ZMAT1: variants seen among roughly 807,000 people sequenced by gnomAD.
ZMAT1 encodes zinc finger matrin-type 1, also known as zinc finger matrin-type protein 1.
A neutral mutation model predicts 18.5 loss-of-function variants in ZMAT1; 11 were observed. That is an observed-to-expected ratio of 0.59 (90% confidence interval 0.37 to 0.98). ZMAT1 has a LOEUF of 0.98. ZMAT1 is among the 50% of genes least tolerant of loss of function. ZMAT1 has a pLI of 0.01. For synonymous variants in ZMAT1, 211 were observed against 176.4 expected, an observed-to-expected ratio of 1.20 and a Z score of -1.55; for missense variants, 525 against 496.2, an observed-to-expected ratio of 1.06 and a Z score of -0.55.
In ZMAT1 at chrX:101,884,470, T is replaced by C; in HGVS notation, c.1128A>G (p.Gly376=). Residue 376 remains glycine (G), a synonymous_variant, in exon 6 of 6, where the codon GGA becomes GGG. Transcript: ENST00000651725. The stretch of plus-strand genomic sequence containing the variant: ...TTCTGAAACAAGTCTTTGGATCTAG[T>C]CCTCTGGCTTTCTGTACTTTGATGT... The part of the protein sequence containing the change: ...EDYIKVQKAR[G]LDPKTCFRKM... The C allele has an allele frequency of 8.3e-7, 1 of 1,211,454 alleles. No homozygotes were observed. The highest frequency in any genetic ancestry group is 1.8e-5 in the South Asian group (1 of 57,002).
At chrX:101,909,877 T>C (rs1928846607) in intron 1 of ZMAT1, among the ~76,000 whole-genome samples, 1 of 112,535 alleles carries the variant, frequency 8.9e-6, no homozygotes, top group Non-Finnish European at 1.9e-5. Context: ...GGCACAGGCC[T>C]GGCTGGCTTT....
chrX:101,919,580 G>A (rs781215759), intron 1 of ZMAT1, among the ~76,000 whole-genome samples: 3 of 111,578 alleles, frequency 2.7e-5, no homozygotes, highest in East Asian at 2.8e-4. Flanking sequence ...GATGTGTACC[G>A]AAAGAACTAT....
intron 2 of ZMAT1, among the ~76,000 whole-genome samples, chrX:101,898,527 C>T (rs896644554): frequency 4.5e-5 from 5 of 111,999 alleles, no homozygotes; most frequent in African/African-American, 1.6e-4. Context: ...GTTTTTCAGC[C>T]TTCCTTTCAG....
intron 2 of ZMAT1, among the ~76,000 whole-genome samples, chrX:101,899,337 G>T (rs991765826): frequency 3.6e-5 from 4 of 110,863 alleles, no homozygotes; most frequent in African/African-American, 1.3e-4. Context: ...AGTTATTAGG[G>T]TACAGGTGGC....
chrX:101,907,391 C>T (rs1928687374), intron 1 of ZMAT1, among the ~76,000 whole-genome samples: 1 of 112,642 alleles, frequency 8.9e-6, no homozygotes, highest in Admixed American at 9.3e-5. Context: ...TATCAGGGAT[C>T]ATACCAGATG....
intron 2 of ZMAT1, among the ~76,000 whole-genome samples, chrX:101,902,174 A>T (rs1331512230): frequency 9.0e-6 from 1 of 111,723 alleles, no homozygotes; most frequent in Admixed American, 9.5e-5. Context: ...TGCCAGTATT[A>T]TGGTTCTTAT....
At chrX:101,906,417 C>T (rs1433490793) in intron 1 of ZMAT1, among the ~76,000 whole-genome samples, 2 of 111,828 alleles carry the variant, frequency 1.8e-5, no homozygotes, top group African/African-American at 6.5e-5. Context: ...AGCCTCCAGG[C>T]CAGCCCCTGG....
At chrX:101,909,636 C>T (rs1187625999) in intron 1 of ZMAT1, among the ~76,000 whole-genome samples, 1 of 112,465 alleles carries the variant, frequency 8.9e-6, no homozygotes, top group African/African-American at 3.2e-5. Flanking sequence ...TGGCAGTACA[C>T]CTTGCCTTGT....
rs1254788338 is a variant in ZMAT1 at position 101,884,493 on chromosome X, T to C, written c.1105A>G (p.Ile369Val). Residue 369 changes from isoleucine (I) to valine (V), a missense_variant, in exon 6 of 6, where the codon ATC becomes GTC. Coordinates refer to ENST00000651725, the MANE Select transcript of ZMAT1 (RefSeq NM_001394560.1). ...AGTCCTCTGGCTTTCTGTACTTTGA[T>C]GTAATCTTCAAGTTCATCTTGGAAA... Reference protein sequence around the residue: ...DSFQDELEDYIKVQKARGLDP... With the variant: ...DSFQDELEDYVKVQKARGLDP... 7 of 1,211,447 alleles carry C rather than the reference T, an allele frequency of 5.8e-6. No individual in the cohort carries two copies. The highest frequency in any genetic ancestry group is 7.8e-6 in the Non-Finnish European group (7 of 895,209).
chrX:101,917,094 A>C (rs1163241852), intron 1 of ZMAT1, among the ~76,000 whole-genome samples: 1 of 112,276 alleles, frequency 8.9e-6, no homozygotes, highest in Non-Finnish European at 1.9e-5. Context: ...CTACAAGAAA[A>C]CATTGAGGAA....
chrX:101,906,207 A>G (rs1266464244), intron 1 of ZMAT1, among the ~76,000 whole-genome samples: 1 of 111,482 alleles, frequency 9.0e-6, no homozygotes, highest in African/African-American at 3.3e-5. Context: ...AAGCCGAATC[A>G]TTCAACCCCA....
chrX:101,885,204 T>C (rs1313928521), intron 5 of ZMAT1, among the ~76,000 whole-genome samples: 2 of 111,576 alleles, frequency 1.8e-5, no homozygotes, highest in African/African-American at 6.5e-5. Flanking sequence ...GCACTAAAAA[T>C]GTTAAGGCAT....
intron 1 of ZMAT1, chrX:101,911,783 T>G: frequency 8.3e-7 from 1 of 1,207,534 alleles, no homozygotes; most frequent in Non-Finnish European, 1.1e-6. Flanking sequence ...CGGCCAGAGC[T>G]CCCGTCTCAT....
intron 4 of ZMAT1, among the ~76,000 whole-genome samples, chrX:101,896,348 T>G (rs984413943): frequency 8.9e-6 from 1 of 111,927 alleles, no homozygotes; most frequent in Non-Finnish European, 1.9e-5. Flanking sequence ...TTCCAGTATT[T>G]CATAGCTCTT....
At chrX:101,920,127 C>T (rs1157257443) in intron 1 of ZMAT1, among the ~76,000 whole-genome samples, 14 of 109,213 alleles carry the variant, frequency 1.3e-4, no homozygotes, top group African/African-American at 4.7e-4. Flanking sequence ...GCAGCCTCCC[C>T]CTCCTGGGCT....
intron 1 of ZMAT1, among the ~76,000 whole-genome samples, chrX:101,928,939 A>G (rs1930231733): frequency 9.0e-6 from 1 of 111,621 alleles, no homozygotes. Flanking sequence ...TTGAAAAATG[A>G]AATATGAAGT....
chrX:101,931,877 TGCCGCCGCCGCC>T lies in ZMAT1; in HGVS notation c.120_131del (p.Ala41_Ala44del), dbSNP rs755259738. 27 of 794,330 alleles carry T rather than the reference TGCCGCCGCCGCC, an allele frequency of 3.4e-5. No individual in the cohort carries two copies. The highest frequency in any genetic ancestry group is 9.6e-5 in the South Asian group (2 of 20,745). 65.5% of individuals were successfully genotyped at this position (794,330 alleles called of 1,213,427 possible). A position where few individuals can be genotyped will look rare whatever the true frequency, so the allele number is the denominator to read the frequency against. ...TGGCGGAGGAGGCAGGAACAATTAC[TGCCGCCGCCGCC>T]GCCGCCGCCGCCGCTGCCGCGCAGG... On this transcript the variant is annotated inframe_deletion, in exon 1 of 6. Coordinates refer to ENST00000651725, the MANE Select transcript of ZMAT1 (RefSeq NM_001394560.1).
chrX:101,923,279 G>C (rs748232823), intron 1 of ZMAT1, among the ~76,000 whole-genome samples: 80 of 112,233 alleles, frequency 7.1e-4, no homozygotes, highest in Non-Finnish European at 1.3e-3. Flanking sequence ...TAGGATGAGA[G>C]AGACTGCATT....
At chrX:101,901,337 G>A (rs1485030523) in intron 2 of ZMAT1, among the ~76,000 whole-genome samples, 4 of 110,926 alleles carry the variant, frequency 3.6e-5, no homozygotes, top group Non-Finnish European at 7.6e-5. Context: ...AGGAATTCCA[G>A]TACTATGTTG....
Sources: gnomAD v4.1 joint callset for allele counts (sites outside exome capture counted in the v4.1 genomes callset) on GRCh38, gnomAD v4.1.1 for gene constraint, MANE v1.5 for transcripts, NCBI Gene and HGNC (gene_info 2026-07-23, HGNC 2026-07-21) for gene names.